Variants in TOP1 observed in about 807,000 individuals in gnomAD.
TOP1 encodes DNA topoisomerase 1.
A neutral mutation model predicts 111.1 loss-of-function variants in TOP1; 10 were observed. The ratio of observed to expected loss-of-function variants is 0.09; its 90% confidence interval spans 0.06 to 0.15. The LOEUF (loss-of-function observed/expected upper bound fraction) is 0.15. TOP1 is among the 10% of genes least tolerant of loss of function. The probability of loss-of-function intolerance (pLI) is 1.00; values close to 1 mark genes in which losing one functional copy is unlikely to be tolerated. For missense variants in TOP1, 474 were observed against 926.7 expected (o/e 0.51, Z 6.34); for synonymous variants, 271 against 302.9 (o/e 0.89, Z 1.10).
intron 8 of TOP1, among the ~76,000 whole-genome samples, chr20:41,087,259 G>A (rs2033860529): frequency 6.6e-6 from 1 of 152,208 alleles, no homozygotes; most frequent in South Asian, 2.1e-4. Flanking sequence ...GTGGCAGTGT[G>A]CTTGGGTTCA....
rs1274056433 is a variant in TOP1, at chr20:41,083,581, A to G, written c.508-881A>G. ...TGGAAGTGGTTAAATGAACCCATCC[A>G]TACACTTTCCAGCTGTGCCACTCTT... is the stretch of plus-strand genomic sequence containing the variant. On this transcript the variant is annotated intron_variant, in intron 7 of 20. Transcript: ENST00000361337. The surrounding 1 kb of genome is among the most constrained non-coding windows in gnomAD (Gnocchi z 7.2). Among the ~76,000 whole-genome samples, 6 of 152,316 alleles carry G rather than the reference A, an allele frequency of 3.9e-5. No homozygotes were observed. Among genetic ancestry groups the G allele is most frequent in the Middle Eastern group, 3.4e-3 (1 of 294 alleles).
chr20:41,029,180 C>G lies in TOP1; in HGVS notation c.33+80C>G, dbSNP rs1305722709. ...CCCCCGGCGCAGGCCCCGACCCCAGCCCCGGCCCGGCAGCTTTGACAGGCC... is the reference window on the plus strand; with the variant it reads ...CCCCCGGCGCAGGCCCCGACCCCAGGCCCGGCCCGGCAGCTTTGACAGGCC... On this transcript the variant is annotated intron_variant, in intron 1 of 20. Transcript: ENST00000361337. The surrounding 1 kb of genome is among the most constrained non-coding windows in gnomAD (Gnocchi z 6.1). 2.6e-6 allele frequency: 3 copies of G among 1,161,702 alleles called. No homozygotes were observed. The highest frequency in any genetic ancestry group is 3.4e-6 in the Non-Finnish European group (3 of 882,678). The allele number at this position is 1,161,702 out of a possible 1,614,324, so 72.0% of individuals were successfully genotyped here. A position where few individuals can be genotyped will look rare whatever the true frequency, so the allele number is the denominator to read the frequency against.
At chr20:41,037,454 A>C (rs753453252) in intron 2 of TOP1, among the ~76,000 whole-genome samples, 1 of 152,206 alleles carries the variant, frequency 6.6e-6, no homozygotes, top group Non-Finnish European at 1.5e-5. Flanking sequence ...AGCACCTGAG[A>C]ATTACTTCAG....
At position 41,121,656 on chromosome 20, in the gene TOP1, C is replaced by T. The variant is rs775246110; in HGVS notation, c.1951-40C>T. 3.2e-6 allele frequency: 5 copies of T among 1,541,428 alleles called. No homozygotes were observed. In the African/African-American group the frequency reaches 6.8e-5, roughly 21 times the overall value. ...CACCTTCTCAGGTGGAGCCATTTTT[C>T]CTCTACAGCTCATAACCTTACCACT... On this transcript the variant is annotated intron_variant, in intron 18 of 20. Coordinates refer to ENST00000361337, the MANE Select transcript of TOP1 (RefSeq NM_003286.4). This position sits in a 1 kb window ranked among gnomAD's most constrained non-coding sequence, Gnocchi z 4.2.
At chr20:41,047,951 C>G (rs546771278) in intron 2 of TOP1, among the ~76,000 whole-genome samples, 7 of 152,280 alleles carry the variant, frequency 4.6e-5, no homozygotes, top group African/African-American at 1.4e-4. Flanking sequence ...TAACCCCCTC[C>G]TTATTATCTA....
At chr20:41,056,617 A>G (rs978945753) in intron 2 of TOP1, among the ~76,000 whole-genome samples, 1 of 152,166 alleles carries the variant, frequency 6.6e-6, no homozygotes, top group African/African-American at 2.4e-5. Flanking sequence ...AGCAGCCAGT[A>G]TTACAGGTGC....
In TOP1 at chr20:41,058,912, C is replaced by G. The variant is rs539121312; in HGVS notation, c.59-2482C>G. Among the ~76,000 whole-genome samples, 35 of 152,120 alleles carry G rather than the reference C, an allele frequency of 2.3e-4. 1 individual carries two copies. Among genetic ancestry groups the G allele is most frequent in the African/African-American group, 8.4e-4 (35 of 41,482 alleles). ...CACAGTAGCAGAAACATGGAATCAACCTCAATTTTCATTAATGGTAGACTG... is the reference window on the plus strand; with the variant it reads ...CACAGTAGCAGAAACATGGAATCAAGCTCAATTTTCATTAATGGTAGACTG... On this transcript the variant is annotated intron_variant, in intron 2 of 20. Coordinates refer to ENST00000361337, the MANE Select transcript of TOP1 (RefSeq NM_003286.4). The surrounding 1 kb of genome is among the most constrained non-coding windows in gnomAD (Gnocchi z 4.2).
rs1178990990 is a variant in TOP1, at chr20:41,046,870, A to T, written c.59-14524A>T. 4.6e-5 allele frequency among the ~76,000 whole-genome samples: 7 copies of T among 152,248 alleles called. No homozygotes were observed. The highest frequency in any genetic ancestry group is 1.0e-4 in the Non-Finnish European group (7 of 68,044). On this transcript the variant is annotated intron_variant, in intron 2 of 20. Transcript: ENST00000361337. The surrounding 1 kb of genome is among the most constrained non-coding windows in gnomAD (Gnocchi z 4.3). ...TTGCTGCTTAAGAAGCAGAATTAGCAGTGGGCCAGTCATTGGCCTCTCTTC... is the reference window on the plus strand; with the variant it reads ...TTGCTGCTTAAGAAGCAGAATTAGCTGTGGGCCAGTCATTGGCCTCTCTTC...
chr20:41,115,278 CT>C lies in TOP1; in HGVS notation c.1639-88del. 6 of 845,476 alleles carry C rather than the reference CT, an allele frequency of 7.1e-6. No individual in the cohort carries two copies. Among genetic ancestry groups the C allele is most frequent in the Non-Finnish European group, 9.6e-6 (5 of 520,820 alleles). 52.4% of individuals were successfully genotyped at this position (845,476 alleles called of 1,614,324 possible). A position where few individuals can be genotyped will look rare whatever the true frequency, so the allele number is the denominator to read the frequency against. Reference sequence around the variant, plus strand: ...ACGGATGTATGCGTGTTCCTTGTGCCTTTTTCTTTGCAAGTTTCTTTAAGTT... The same window carrying C: ...ACGGATGTATGCGTGTTCCTTGTGCCTTTTCTTTGCAAGTTTCTTTAAGTT... On this transcript the variant is annotated intron_variant, in intron 15 of 20. Coordinates refer to ENST00000361337, the MANE Select transcript of TOP1 (RefSeq NM_003286.4). The surrounding 1 kb of genome is among the most constrained non-coding windows in gnomAD (Gnocchi z 6.3).
intron 2 of TOP1, among the ~76,000 whole-genome samples, chr20:41,044,372 C>T (rs866565598): frequency 1.3e-4 from 20 of 152,320 alleles, no homozygotes; most frequent in Middle Eastern, 3.4e-3. Flanking sequence ...GTGTTGTCTT[C>T]TATTAAGAGA....
chr20:41,113,879 CAAAAAAAAAA>C (rs552197714), intron 14 of TOP1, 81 bp from the exon 15 acceptor site: 2 of 662,226 alleles, frequency 3.0e-6, no homozygotes, highest in Non-Finnish European at 4.4e-6. Flanking sequence ...GAGACTGTCT[CAAAAAAAAAA>C]AAAAAAAAAA....
rs965378667 is a variant in TOP1 at position 41,071,199 on chromosome 20, G to A, written c.156-4972G>A. 1.3e-5 allele frequency among the ~76,000 whole-genome samples: 2 copies of A among 152,022 alleles called. No individual in the cohort carries two copies. The highest frequency in any genetic ancestry group is 2.9e-5 in the Non-Finnish European group (2 of 68,002). On this transcript the variant is annotated intron_variant, in intron 3 of 20. Transcript: ENST00000361337. The surrounding 1 kb of genome is among the most constrained non-coding windows in gnomAD (Gnocchi z 4.3). ...TCCCTACTGGCTCCCTACTTCCACC[G>A]TTTCTCCCACTCTTCTATATAAGTG...
intron 14 of TOP1, 114 bp from the exon 15 acceptor site, chr20:41,113,856 C>T (rs1400740734): frequency 5.8e-6 from 5 of 860,790 alleles, no homozygotes; most frequent in Non-Finnish European, 8.6e-6. Context: ...GCACTCTAGC[C>T]TGGCGACAGA....
At position 41,071,363 on chromosome 20, in the gene TOP1, T is replaced by G. The variant is rs2033666685; in HGVS notation, c.156-4808T>G. Among the ~76,000 whole-genome samples the G allele has an allele frequency of 6.6e-6, 1 of 152,066 alleles. No homozygotes were observed. Among genetic ancestry groups the G allele is most frequent in the Non-Finnish European group, 1.5e-5 (1 of 68,000 alleles). On this transcript the variant is annotated intron_variant, in intron 3 of 20. Coordinates refer to ENST00000361337, the MANE Select transcript of TOP1 (RefSeq NM_003286.4). The surrounding 1 kb of genome is among the most constrained non-coding windows in gnomAD (Gnocchi z 4.3). The stretch of plus-strand genomic sequence containing the variant: ...TCCTTTTTTTAAATTTTTTTTTTTT[T>G]GAGATGGAGCCTCAGTCTATCGCCA...
chr20:41,108,549 C>T (rs1376282069), intron 13 of TOP1, among the ~76,000 whole-genome samples: 3 of 152,198 alleles, frequency 2.0e-5, no homozygotes, highest in Admixed American at 1.3e-4. Flanking sequence ...CACAATAACA[C>T]TTGCTCTAGG....
chr20:41,031,241 T>A lies in TOP1; in HGVS notation c.58+1786T>A, dbSNP rs1481825077. Among the ~76,000 whole-genome samples the A allele has an allele frequency of 2.6e-5, 4 of 152,272 alleles. No homozygotes were observed. In the East Asian group the frequency reaches 5.8e-4, roughly 22 times the overall value. ...AAAGCCACAGTATAGACATGTTTCT[T>A]TGGGATACAGGAGCAAAGAAAGGAT... On this transcript the variant is annotated intron_variant, in intron 2 of 20. Coordinates refer to ENST00000361337, the MANE Select transcript of TOP1 (RefSeq NM_003286.4).
chr20:41,031,763 A>G (rs1434721836), intron 2 of TOP1, among the ~76,000 whole-genome samples: 1 of 152,280 alleles, frequency 6.6e-6, no homozygotes, highest in Non-Finnish European at 1.5e-5. Flanking sequence ...GAGCTGAGCC[A>G]CTATGCTAGA....
chr20:41,074,201 AAAGT>A (rs1336896491), intron 3 of TOP1, among the ~76,000 whole-genome samples: 1 of 152,098 alleles, frequency 6.6e-6, no homozygotes, highest in African/African-American at 2.4e-5. Flanking sequence ...TTTTTTAAAC[AAAGT>A]AAGGAAGGGA....
rs2033496196 is a variant in TOP1, at chr20:41,058,077, C to T, written c.59-3317C>T. On this transcript the variant is annotated intron_variant, in intron 2 of 20. Coordinates refer to ENST00000361337, the MANE Select transcript of TOP1 (RefSeq NM_003286.4). This position sits in a 1 kb window ranked among gnomAD's most constrained non-coding sequence, Gnocchi z 4.2. ...TTGAGTTCAAATCCTACTTCTGACA[C>T]CATATGATATTATTTTTCCCATCTC... Among the ~76,000 whole-genome samples, 2 of 152,126 alleles carry T rather than the reference C, an allele frequency of 1.3e-5. No homozygotes were observed. The highest frequency in any genetic ancestry group is 2.4e-5 in the African/African-American group (1 of 41,410).
Sources: gnomAD v4.1 joint callset for allele counts (sites outside exome capture counted in the v4.1 genomes callset) on GRCh38, gnomAD v4.1.1 for gene constraint, Gnocchi (gnomAD v3.1) non-coding constraint, MANE v1.5 for transcripts, NCBI Gene and HGNC (gene_info 2026-07-23, HGNC 2026-07-21) for gene names.